Variants in MID2 observed in about 807,000 individuals in gnomAD.
The protein encoded by MID2 is probable E3 ubiquitin-protein ligase MID2.
Under a neutral mutation model 46.1 loss-of-function variants are expected in MID2, and 13 were observed. That is an observed-to-expected ratio of 0.28 (90% CI 0.18 to 0.45). The LOEUF is 0.45. Among genes scored for constraint, MID2 ranks in the 20% least tolerant of loss-of-function variants. The probability of loss-of-function intolerance (pLI) is 1.00; values close to 1 mark genes in which losing one functional copy is unlikely to be tolerated. For synonymous variants in MID2, 199 were observed against 212.3 expected (o/e 0.94, Z 0.55); for missense variants, 431 against 575.4 (o/e 0.75, Z 2.57).
chrX:107,826,747 G>T (rs1352017186), intron 1 of MID2, among the ~76,000 whole-genome samples: 1 of 113,360 alleles, frequency 8.8e-6, no homozygotes, highest in Non-Finnish European at 1.9e-5. Context: ...GGCGCGGGCA[G>T]TCGAGCGAAT....
intron 3 of MID2, among the ~76,000 whole-genome samples, chrX:107,885,973 GT>G (rs1325894229): frequency 9.0e-6 from 1 of 110,967 alleles, no homozygotes; most frequent in Non-Finnish European, 1.9e-5. Flanking sequence ...GGGGTTATTT[GT>G]TTTTTTCTTG....
chrX:107,885,995 T>G (rs1932442837), intron 3 of MID2, among the ~76,000 whole-genome samples: 1 of 112,113 alleles, frequency 8.9e-6, no homozygotes, highest in Non-Finnish European at 1.9e-5. Context: ...TAAATTTGTT[T>G]GAGTTCATTG....
intron 7 of MID2, among the ~76,000 whole-genome samples, chrX:107,919,682 TGTAGTACTCCCA>T (rs977665337): frequency 2.7e-5 from 3 of 112,027 alleles, no homozygotes; most frequent in African/African-American, 6.5e-5. Flanking sequence ...ATGAAGTGAA[TGTAGTACTCCCA>T]AAGTGGTCTG....
chrX:107,925,315 G>C (rs185520085), intron 8 of MID2, among the ~76,000 whole-genome samples: 1 of 111,738 alleles, frequency 8.9e-6, no homozygotes, highest in East Asian at 2.8e-4. Flanking sequence ...GAAAAAGTTG[G>C]GAAAGGGTAA....
At position 107,927,274 on chromosome X, in the gene MID2, G is replaced by C; in HGVS notation, c.*201G>C. ...TTGAGTTTTTCAGAACAAATTATCT[G>C]AGTAGTCTGCGTTCAAGCCATTGGA... On this transcript the variant is annotated 3_prime_UTR_variant, in exon 10 of 10. Coordinates refer to ENST00000262843, the MANE Select transcript of MID2 (RefSeq NM_012216.4). The C allele has an allele frequency of 2.7e-6, 1 of 365,931 alleles. No homozygotes were observed. Among genetic ancestry groups the C allele is most frequent in the Non-Finnish European group, 4.6e-6 (1 of 219,328 alleles). The allele number at this position is 365,931 out of a possible 1,213,427, so 30.2% of individuals were successfully genotyped here. A position where few individuals can be genotyped will look rare whatever the true frequency, so the allele number is the denominator to read the frequency against.
intron 1 of MID2, 59 bp downstream of exon 1, chrX:107,826,489 T>C (rs1460042247): frequency 6.3e-6 from 7 of 1,105,801 alleles, no homozygotes; most frequent in Non-Finnish European, 8.3e-6. Flanking sequence ...CTCGCAGGGC[T>C]AGTCTCCGGC....
chrX:107,896,605 A>ATG lies in MID2; in HGVS notation c.817-7347_817-7346dup, dbSNP rs1364873347. Among the ~76,000 whole-genome samples the ATG allele has an allele frequency of 2.7e-5, 3 of 112,443 alleles. No individual in the cohort carries two copies. In the Admixed American group the frequency reaches 2.8e-4, roughly 11 times the overall value. Reference sequence around the variant, plus strand: ...ATAGAGTAAAGTACATACAAAATATATGTGTGTATATATATGTGTGTGAAC... The same window carrying ATG: ...ATAGAGTAAAGTACATACAAAATATATGTGTGTGTATATATATGTGTGTGAAC... On this transcript the variant is annotated intron_variant, in intron 3 of 9. Transcript: ENST00000262843.
intron 2 of MID2, among the ~76,000 whole-genome samples, chrX:107,844,991 G>T (rs1277631244): frequency 9.0e-6 from 1 of 111,485 alleles, no homozygotes; most frequent in Non-Finnish European, 1.9e-5. Flanking sequence ...CTTCATAATG[G>T]ATTTGCAGGA....
At chrX:107,912,372 C>T (rs1223971469) in intron 5 of MID2, among the ~76,000 whole-genome samples, 1 of 112,085 alleles carries the variant, frequency 8.9e-6, no homozygotes, top group Non-Finnish European at 1.9e-5. Flanking sequence ...TGTCCCACTA[C>T]CACACCATTG....
intron 3 of MID2, among the ~76,000 whole-genome samples, chrX:107,865,669 T>C (rs1569464895): frequency 8.9e-6 from 1 of 112,159 alleles, no homozygotes; most frequent in East Asian, 2.8e-4. Context: ...TGAGAAACAT[T>C]GACTCTTTCC....
At chrX:107,907,216 C>T (rs778261352) in intron 5 of MID2, among the ~76,000 whole-genome samples, 108 of 112,201 alleles carry the variant, frequency 9.6e-4, no homozygotes, top group Non-Finnish European at 1.4e-3. Flanking sequence ...AAATGTATAG[C>T]TTCTAAACCT....
At chrX:107,840,438 G>GA in intron 1 of MID2, among the ~76,000 whole-genome samples, 1 of 112,090 alleles carries the variant, frequency 8.9e-6, no homozygotes, top group East Asian at 2.8e-4. Context: ...AGGATTCAGA[G>GA]GTGGCCATTT....
intron 3 of MID2, among the ~76,000 whole-genome samples, chrX:107,884,565 CACTCT>C (rs747170346): frequency 2.7e-5 from 3 of 112,404 alleles, no homozygotes; most frequent in African/African-American, 9.7e-5. Context: ...GACTTTTTCC[CACTCT>C]ACTCTGCTGC....
chrX:107,914,900 T>A (rs186408491), intron 5 of MID2, among the ~76,000 whole-genome samples: 1 of 112,572 alleles, frequency 8.9e-6, no homozygotes, highest in African/African-American at 3.2e-5. Context: ...GGTTGTGTGA[T>A]CTTGGACAAG....
chrX:107,917,787 G>A, intron 7 of MID2, 48 bp downstream of exon 7: 3 of 1,099,680 alleles, frequency 2.7e-6, no homozygotes, highest in Non-Finnish European at 3.8e-6. Context: ...GTGTTTCATA[G>A]ACAGTGTAAG....
At chrX:107,899,685 G>A (rs767993078) in intron 3 of MID2, among the ~76,000 whole-genome samples, 1 of 110,917 alleles carries the variant, frequency 9.0e-6, no homozygotes, top group African/African-American at 3.3e-5. Flanking sequence ...TGGGGTGGGT[G>A]GATTTATACA....
At chrX:107,895,069 A>G (rs757041893) in intron 3 of MID2, 11 of 111,015 alleles carry the variant, frequency 9.9e-5, no homozygotes, top group Admixed American at 2.9e-4. Context: ...TCCCACATAC[A>G]TTTAACTAAC....
Position 107,904,023 on chromosome X carries a change from G to T in MID2, c.882G>T (p.Gln294His), listed in dbSNP as rs1284836492. The change falls in exon 4 of 10, where the codon CAG (glutamine) becomes CAT (histidine). Residue 294 changes from glutamine to histidine, a missense_variant. Coordinates refer to ENST00000262843, the MANE Select transcript of MID2 (RefSeq NM_012216.4). Reference sequence around the variant, plus strand: ...GTGACGAGTTGGTAGAGATCATCCAGCAGAGGAAGCAAATGATCGCTGTCA... The same window carrying T: ...GTGACGAGTTGGTAGAGATCATCCATCAGAGGAAGCAAATGATCGCTGTCA... ...EECDELVEII[Q>H]QRKQMIAVKI... The T allele has an allele frequency of 1.7e-6, 2 of 1,206,323 alleles. No homozygotes were observed. Among genetic ancestry groups the T allele is most frequent in the Non-Finnish European group, 2.2e-6 (2 of 891,744 alleles).
chrX:107,898,528 AT>A (rs66964475), intron 3 of MID2, among the ~76,000 whole-genome samples: 18,588 of 110,677 alleles, frequency 0.17, 1,587 homozygotes, highest in Non-Finnish European at 0.25. Context: ...TACACCTTTA[AT>A]TGTATTCTAT....
Sources: allele counts gnomAD v4.1 joint callset (sites outside exome capture counted in the v4.1 genomes callset), GRCh38; gene constraint gnomAD v4.1.1; transcripts MANE v1.5; gene names NCBI Gene and HGNC (gene_info 2026-07-23, HGNC 2026-07-21).